The following DGKB variants were observed in gnomAD, a reference collection of about 807,000 sequenced individuals.
DGKB encodes the protein diacylglycerol kinase beta.
In DGKB, 67 loss-of-function variants were observed where a neutral mutation model predicts 114.3. The ratio of observed to expected loss-of-function variants is 0.59; its 90% confidence interval spans 0.48 to 0.72. The LOEUF (loss-of-function observed/expected upper bound fraction) is 0.72. Among genes scored for constraint, DGKB ranks in the 30% least tolerant of loss-of-function variants. The probability of loss-of-function intolerance (pLI) is 0.00; values close to 1 mark genes in which losing one functional copy is unlikely to be tolerated. For missense variants in DGKB, 907 were observed against 975.2 expected, an observed-to-expected ratio of 0.93 and a Z score of 0.93; for synonymous variants, 398 against 323.1, an observed-to-expected ratio of 1.23 and a Z score of -2.49.
intron 23 of DGKB, among the ~76,000 whole-genome samples, chr7:14,204,218 A>G (rs1227041706): frequency 6.6e-6 from 1 of 152,022 alleles, no homozygotes; most frequent in Non-Finnish European, 1.5e-5. Context: ...GTACTTTAAA[A>G]TGAGGACTGT....
intron 4 of DGKB, among the ~76,000 whole-genome samples, chr7:14,746,126 G>C (rs1470921861): frequency 6.6e-6 from 1 of 152,132 alleles, no homozygotes; most frequent in Non-Finnish European, 1.5e-5. Context: ...ATCACCTGAG[G>C]TCAGGAGTTC....
chr7:14,194,302 G>A (rs1050113074), intron 23 of DGKB, among the ~76,000 whole-genome samples: 1 of 152,084 alleles, frequency 6.6e-6, no homozygotes, highest in Non-Finnish European at 1.5e-5. Flanking sequence ...CGACCTAAGT[G>A]TCCAACAGTG....
At chr7:14,255,772 A>C (rs1295456737) in intron 23 of DGKB, among the ~76,000 whole-genome samples, 3 of 150,580 alleles carry the variant, frequency 2.0e-5, no homozygotes, top group Non-Finnish European at 4.4e-5. Context: ...CCGTGCAGCT[A>C]AGCTTTTAGT....
At chr7:14,400,699 T>TA in intron 21 of DGKB, among the ~76,000 whole-genome samples, 1 of 151,198 alleles carries the variant, frequency 6.6e-6, no homozygotes, top group Admixed American at 6.6e-5. Flanking sequence ...GCAGAAAGGC[T>TA]AAAATGAAAA....
chr7:14,221,668 A>G (rs879394813), intron 23 of DGKB, among the ~76,000 whole-genome samples: 2 of 151,458 alleles, frequency 1.3e-5, no homozygotes, highest in Admixed American at 6.6e-5. Flanking sequence ...CAGTGTCATG[A>G]TAATACTGGC....
At chr7:14,869,787 T>A (rs996897376) in intron 1 of DGKB, among the ~76,000 whole-genome samples, 5 of 152,168 alleles carry the variant, frequency 3.3e-5, no homozygotes, top group African/African-American at 1.2e-4. Flanking sequence ...ATTAATTTTG[T>A]TTATATTTAC....
intron 3 of DGKB, among the ~76,000 whole-genome samples, chr7:14,755,634 G>C (rs1834763353): frequency 6.6e-6 from 1 of 152,100 alleles, no homozygotes; most frequent in Admixed American, 6.6e-5. Context: ...CATATTGTAA[G>C]AGTAATTTTT....
intron 21 of DGKB, among the ~76,000 whole-genome samples, chr7:14,413,400 A>G (rs1264176417): frequency 6.6e-6 from 1 of 152,206 alleles, no homozygotes; most frequent in Non-Finnish European, 1.5e-5. Context: ...TCAGTTTTAC[A>G]TGTAAAAATT....
chr7:14,961,970 T>A (rs915488535), intron 1 of DGKB, among the ~76,000 whole-genome samples: 1 of 152,092 alleles, frequency 6.6e-6, no homozygotes, highest in African/African-American at 2.4e-5. Flanking sequence ...ATGTTATCTA[T>A]CCAATGGGTA....
chr7:14,886,141 A>C (rs998441281), intron 1 of DGKB, among the ~76,000 whole-genome samples: 1 of 151,900 alleles, frequency 6.6e-6, no homozygotes, highest in Non-Finnish European at 1.5e-5. Flanking sequence ...ATTGTCTAGT[A>C]CGGGCAGAAA....
At chr7:14,434,827 G>A (rs1829000757) in intron 21 of DGKB, among the ~76,000 whole-genome samples, 1 of 152,084 alleles carries the variant, frequency 6.6e-6, no homozygotes, top group African/African-American at 2.4e-5. Flanking sequence ...AACAAGATGG[G>A]AAACCAGTAA....
chr7:14,736,930 T>A (rs1371537001), intron 4 of DGKB, among the ~76,000 whole-genome samples: 9 of 152,154 alleles, frequency 5.9e-5, no homozygotes, highest in Non-Finnish European at 1.3e-4. Flanking sequence ...GGAGCCATAG[T>A]GAAGAGCTTG....
intron 1 of DGKB, among the ~76,000 whole-genome samples, chr7:14,917,386 C>G (rs1446904253): frequency 6.6e-6 from 1 of 151,850 alleles, no homozygotes; most frequent in Non-Finnish European, 1.5e-5. Context: ...AGCCAGGCCA[C>G]TAACAAGAGA....
At chr7:14,945,707 T>A (rs897013159) in intron 1 of DGKB, among the ~76,000 whole-genome samples, 2 of 151,484 alleles carry the variant, frequency 1.3e-5, no homozygotes, top group Non-Finnish European at 3.0e-5. Context: ...TTAATAGAAA[T>A]ATAACTTTTT....
chr7:14,821,855 A>C (rs1844985035), intron 2 of DGKB, among the ~76,000 whole-genome samples: 1 of 152,174 alleles, frequency 6.6e-6, no homozygotes, highest in South Asian at 2.1e-4. Context: ...GTAGTTCAGG[A>C]AAGACTGGTG....
At chr7:14,561,803 A>C (rs1796696635) in intron 20 of DGKB, among the ~76,000 whole-genome samples, 1 of 152,242 alleles carries the variant, frequency 6.6e-6, no homozygotes, top group African/African-American at 2.4e-5. Flanking sequence ...GAAAATTTGC[A>C]GCCTGACAAT....
intron 23 of DGKB, among the ~76,000 whole-genome samples, chr7:14,245,409 C>T (rs1352096237): frequency 6.6e-6 from 1 of 151,962 alleles, no homozygotes; most frequent in Non-Finnish European, 1.5e-5. Context: ...TACTCAAAAA[C>T]TAAAAGAATG....
chr7:14,477,442 G>T (rs114036032), intron 21 of DGKB, among the ~76,000 whole-genome samples: 124 of 152,270 alleles, frequency 8.1e-4, no homozygotes, highest in African/African-American at 2.8e-3. Context: ...GAATAGAGTG[G>T]AAATGAGTAT....
At chr7:14,669,883 G>T (rs1585516696) in intron 13 of DGKB, among the ~76,000 whole-genome samples, 1 of 152,108 alleles carries the variant, frequency 6.6e-6, no homozygotes, top group East Asian at 1.9e-4. Context: ...ACCTGACTTG[G>T]GATAATAAGG....
Sources: allele counts gnomAD v4.1 joint callset (sites outside exome capture counted in the v4.1 genomes callset), GRCh38; gene constraint gnomAD v4.1.1; transcripts MANE v1.5; gene names NCBI Gene and HGNC (gene_info 2026-07-23, HGNC 2026-07-21).